Variants in TTC29 observed in about 807,000 individuals in gnomAD.
The protein encoded by TTC29 is tetratricopeptide repeat protein 29.
A neutral mutation model predicts 58.1 loss-of-function variants in TTC29; 49 were observed. That is an observed-to-expected ratio of 0.84 (90% CI 0.67 to 1.07). The LOEUF is 1.07. Among genes scored for constraint, TTC29 ranks in the 50% least tolerant of loss-of-function variants. The pLI, the probability that TTC29 is intolerant of heterozygous loss-of-function variation, is 0.00. For synonymous variants in TTC29, 209 were observed against 196.8 expected (o/e 1.06, Z -0.52); for missense variants, 582 against 555.6 (o/e 1.05, Z -0.48).
At chr4:146,799,138 C>A (rs1471255316) in intron 11 of TTC29, among the ~76,000 whole-genome samples, 2 of 152,054 alleles carry the variant, frequency 1.3e-5, no homozygotes, top group East Asian at 3.9e-4. Context: ...CACCAAGCTG[C>A]CAGTAGGTGA....
chr4:146,741,104 C>A lies in TTC29; in HGVS notation c.1331-33553G>T, dbSNP rs565898622. Among the ~76,000 whole-genome samples, 74 of 152,208 alleles carry A rather than the reference C, an allele frequency of 4.9e-4. 1 individual carries two copies. The highest frequency in any genetic ancestry group is 1.7e-3 in the African/African-American group (72 of 41,528). ...TGGAAAAGTCACCCAGTAGTGTGAA[C>A]CTTACTTTGCCTTAGAAATAGAAGA... On this transcript the variant is annotated intron_variant, in intron 11 of 12. Transcript: ENST00000325106.
At chr4:146,905,694 G>T (rs1055225310) in intron 5 of TTC29, among the ~76,000 whole-genome samples, 1 of 152,068 alleles carries the variant, frequency 6.6e-6, no homozygotes, top group Non-Finnish European at 1.5e-5. Context: ...CAATTTTATT[G>T]TGGGTTTCTT....
intron 7 of TTC29, among the ~76,000 whole-genome samples, chr4:146,874,366 T>G (rs961569124): frequency 1.3e-5 from 2 of 152,178 alleles, no homozygotes; most frequent in Non-Finnish European, 2.9e-5. Context: ...ATGAAAGGTC[T>G]CTAAGACTGC....
At chr4:146,942,150 A>C (rs1389177343) in intron 2 of TTC29, among the ~76,000 whole-genome samples, 2 of 152,218 alleles carry the variant, frequency 1.3e-5, no homozygotes, top group Non-Finnish European at 2.9e-5. Context: ...TTTATTTTAA[A>C]TATAACAGAA....
intron 11 of TTC29, among the ~76,000 whole-genome samples, chr4:146,716,036 T>G (rs1288618629): frequency 6.6e-6 from 1 of 152,178 alleles, no homozygotes; most frequent in Non-Finnish European, 1.5e-5. Context: ...AGTTTACACT[T>G]TTCATTTAAA....
chr4:146,850,265 G>A (rs916179934), intron 8 of TTC29, among the ~76,000 whole-genome samples: 4 of 152,132 alleles, frequency 2.6e-5, no homozygotes, highest in Admixed American at 2.6e-4. Context: ...TCTCTTTAAA[G>A]TTAAGGAGAC....
chr4:146,936,951 T>A (rs1198474264), intron 4 of TTC29, among the ~76,000 whole-genome samples: 2 of 152,068 alleles, frequency 1.3e-5, no homozygotes, highest in African/African-American at 4.8e-5. Context: ...ACAGAGCCAC[T>A]AAGTATAGGT....
chr4:146,860,425 A>G (rs1730151632), intron 8 of TTC29, among the ~76,000 whole-genome samples: 1 of 152,148 alleles, frequency 6.6e-6, no homozygotes, highest in African/African-American at 2.4e-5. Context: ...AAATTTTTGG[A>G]ATATTTTTTC....
chr4:146,874,829 G>T lies in TTC29; in HGVS notation c.686C>A (p.Ala229Asp), dbSNP rs747690925. 7 of 1,612,990 alleles carry T rather than the reference G, an allele frequency of 4.3e-6. No homozygotes were observed. Among genetic ancestry groups the T allele is most frequent in the Non-Finnish European group, 5.9e-6 (7 of 1,179,574 alleles). The part of the protein sequence containing the change: ...DETGRSLNLL[A>D]CESLLRTYRL... ...GTAAGTCCTCAGGAGACTCTCACAG[G>T]CCAACAAGTTGAGAGAGCGGCCTGT... The change falls in exon 7 of 13, where the codon GCC (alanine) becomes GAC (aspartate). Residue 229 changes from alanine to aspartate, a missense_variant. Physicochemically the swap from Ala to Asp is moderately radical, Grantham distance 126 (BLOSUM62 -2). Transcript: ENST00000325106.
At chr4:146,929,355 C>G (rs1212495683) in intron 4 of TTC29, among the ~76,000 whole-genome samples, 2 of 151,702 alleles carry the variant, frequency 1.3e-5, no homozygotes, top group Admixed American at 1.3e-4. Context: ...CATGCCTTGC[C>G]CTTGTCCCCA....
intron 8 of TTC29, among the ~76,000 whole-genome samples, chr4:146,852,913 A>G (rs1729601040): frequency 6.6e-6 from 1 of 151,942 alleles, no homozygotes; most frequent in African/African-American, 2.4e-5. Context: ...TTATATGATT[A>G]TTTTTTACTT....
At chr4:146,868,367 T>C (rs1730705128) in intron 7 of TTC29, among the ~76,000 whole-genome samples, 1 of 152,038 alleles carries the variant, frequency 6.6e-6, no homozygotes, top group Non-Finnish European at 1.5e-5. Flanking sequence ...AAACTTAAAG[T>C]ATAATAATAA....
At chr4:146,885,850 G>A (rs558009345) in intron 6 of TTC29, among the ~76,000 whole-genome samples, 2 of 152,048 alleles carry the variant, frequency 1.3e-5, no homozygotes, top group East Asian at 1.9e-4. Flanking sequence ...TTAAGAAATC[G>A]TGATTACTTT....
At chr4:146,767,269 C>T (rs1442963803) in intron 11 of TTC29, among the ~76,000 whole-genome samples, 1 of 151,930 alleles carries the variant, frequency 6.6e-6, no homozygotes, top group Non-Finnish European at 1.5e-5. Flanking sequence ...GGTCAAATTG[C>T]TTAACCTCTC....
At chr4:146,904,961 A>G (rs945047306) in intron 5 of TTC29, among the ~76,000 whole-genome samples, 3 of 152,202 alleles carry the variant, frequency 2.0e-5, no homozygotes, top group Non-Finnish European at 4.4e-5. Context: ...TAAAATTCCA[A>G]TGGAAATTAA....
intron 6 of TTC29, among the ~76,000 whole-genome samples, chr4:146,894,239 A>G (rs1371521940): frequency 6.6e-6 from 1 of 152,134 alleles, no homozygotes; most frequent in South Asian, 2.1e-4. Flanking sequence ...ACGTATGTTT[A>G]TTGCGGCACT....
At chr4:146,715,040 AT>A (rs1360082791) in intron 11 of TTC29, among the ~76,000 whole-genome samples, 6 of 151,690 alleles carry the variant, frequency 4.0e-5, no homozygotes, top group Non-Finnish European at 8.8e-5. Context: ...ATCTTGTTTC[AT>A]TGCCTACTCT....
At chr4:146,751,225 A>G (rs1429131588) in intron 11 of TTC29, among the ~76,000 whole-genome samples, 5 of 152,252 alleles carry the variant, frequency 3.3e-5, no homozygotes, top group Admixed American at 2.6e-4. Context: ...GCAAATATCG[A>G]TGAACACAAA....
intron 9 of TTC29, among the ~76,000 whole-genome samples, chr4:146,831,274 TA>T (rs1054997817): frequency 1.3e-5 from 2 of 151,880 alleles, no homozygotes; most frequent in Non-Finnish European, 2.9e-5. Context: ...TTTAATTAAT[TA>T]AAAAAAATAG....
Sources: allele counts gnomAD v4.1 joint callset (sites outside exome capture counted in the v4.1 genomes callset), GRCh38; gene constraint gnomAD v4.1.1; transcripts MANE v1.5; gene names NCBI Gene and HGNC (gene_info 2026-07-23, HGNC 2026-07-21).